Variants in SLC27A2 observed in about 807,000 individuals in gnomAD.
SLC27A2 encodes the protein solute carrier family 27 member 2.
Under a neutral mutation model 60.0 loss-of-function variants are expected in SLC27A2, and 54 were observed. The ratio of observed to expected loss-of-function variants is 0.90; its 90% CI spans 0.72 to 1.13. SLC27A2 has a LOEUF of 1.13. SLC27A2 is among the 50% of genes most tolerant of loss of function. The pLI is 0.00. For missense variants in SLC27A2, 739 were observed against 777.6 expected, an observed-to-expected ratio of 0.95 and a Z score of 0.59; for synonymous variants, 297 against 297.6, an observed-to-expected ratio of 1.00 and a Z score of 0.02.
chr15:50,204,505 GTA>G (rs2045093080), intron 3 of SLC27A2, among the ~76,000 whole-genome samples: 1 of 151,634 alleles, frequency 6.6e-6, no homozygotes, highest in Non-Finnish European at 1.5e-5. Context: ...AGGCCAAGGG[GTA>G]CAGATCACGA....
intron 1 of SLC27A2, among the ~76,000 whole-genome samples, chr15:50,192,258 G>C (rs1449118486): frequency 6.6e-6 from 1 of 152,134 alleles, no homozygotes; most frequent in African/African-American, 2.4e-5. Flanking sequence ...TGGTTGGCAA[G>C]CCGCTGGAAA....
intron 1 of SLC27A2, among the ~76,000 whole-genome samples, chr15:50,183,588 T>C (rs1595677593): frequency 6.6e-6 from 1 of 152,142 alleles, no homozygotes; most frequent in South Asian, 2.1e-4. Flanking sequence ...TGTGGTTAGC[T>C]CCTGCCACAT....
At chr15:50,230,344 A>G (rs2045309091) in intron 8 of SLC27A2, among the ~76,000 whole-genome samples, 1 of 152,012 alleles carries the variant, frequency 6.6e-6, no homozygotes, top group African/African-American at 2.4e-5. Flanking sequence ...GGAGCTTGAG[A>G]CCAGCCTGGC....
chr15:50,209,114 A>G (rs190702168), intron 4 of SLC27A2, among the ~76,000 whole-genome samples: 1 of 152,318 alleles, frequency 6.6e-6, no homozygotes, highest in African/African-American at 2.4e-5. Context: ...GGGGCCACAC[A>G]TAGAACCATG....
intron 4 of SLC27A2, among the ~76,000 whole-genome samples, chr15:50,213,846 G>A (rs763600237): frequency 9.2e-5 from 14 of 151,930 alleles, no homozygotes; most frequent in Non-Finnish European, 1.3e-4. Flanking sequence ...CTAAACGCCT[G>A]TAACAAAAAC....
chr15:50,183,989 T>C (rs1327346272), intron 1 of SLC27A2, among the ~76,000 whole-genome samples: 1 of 116,310 alleles, frequency 8.6e-6, no homozygotes, highest in Non-Finnish European at 1.8e-5. Context: ...TGCTCTTTCC[T>C]ACATCTTTTT....
In SLC27A2 at chr15:50,233,215, C is replaced by T. The variant is rs188037086; in HGVS notation, c.1556-653C>T. Reference sequence around the variant, plus strand: ...CCTGTCCCACATCCTCTCCAAAATGCAGACAAGAAAAGCCATTAGAACCTT... The same window carrying T: ...CCTGTCCCACATCCTCTCCAAAATGTAGACAAGAAAAGCCATTAGAACCTT... On this transcript the variant is annotated intron_variant, in intron 8 of 9. Transcript: ENST00000267842. Among the ~76,000 whole-genome samples the T allele has an allele frequency of 2.3e-3, 352 of 152,288 alleles. 2 individuals are homozygous for T. The highest frequency in any genetic ancestry group is 4.0e-3 in the Non-Finnish European group (275 of 68,020).
chr15:50,193,421 C>G (rs888240804), intron 1 of SLC27A2, among the ~76,000 whole-genome samples: 1 of 152,188 alleles, frequency 6.6e-6, no homozygotes, highest in African/African-American at 2.4e-5. Context: ...AGGGAACACT[C>G]TTTAAATAGA....
intron 1 of SLC27A2, among the ~76,000 whole-genome samples, chr15:50,190,051 T>G (rs1786589702): frequency 6.6e-6 from 1 of 152,228 alleles, no homozygotes; most frequent in Admixed American, 6.5e-5. Context: ...AACATTTTTA[T>G]GACCTCCGGG....
chr15:50,201,713 G>A (rs1424835653), intron 2 of SLC27A2, among the ~76,000 whole-genome samples: 2 of 151,870 alleles, frequency 1.3e-5, no homozygotes, highest in Admixed American at 6.6e-5. Flanking sequence ...CCACCACCAC[G>A]CCCGGCTAAT....
intron 2 of SLC27A2, among the ~76,000 whole-genome samples, chr15:50,201,917 G>T (rs2045067580): frequency 6.6e-6 from 1 of 152,284 alleles, no homozygotes; most frequent in Non-Finnish European, 1.5e-5. Context: ...TATTTGCTTT[G>T]TTTGTATAAA....
At chr15:50,221,161 C>T (rs2045239295) in intron 4 of SLC27A2, among the ~76,000 whole-genome samples, 1 of 151,778 alleles carries the variant, frequency 6.6e-6, no homozygotes, top group Non-Finnish European at 1.5e-5. Context: ...GCCATAATTG[C>T]ACCAGCCTAG....
rs1048099709 is a variant in SLC27A2, at chr15:50,236,218, G to A, written c.*122G>A. 41 of 714,306 alleles carry A rather than the reference G, an allele frequency of 5.7e-5. No homozygotes were observed. The East Asian group carries it at 6.7e-4, about 12-fold the overall frequency. The allele number at this position is 714,306 out of a possible 1,614,324, so 44.2% of individuals were successfully genotyped here. A position where few individuals can be genotyped will look rare whatever the true frequency, so the allele number is the denominator to read the frequency against. On this transcript the variant is annotated 3_prime_UTR_variant, in exon 10 of 10. Transcript: ENST00000267842. ...AATTTTGTAGGAAATTTGCATACCC[G>A]TAAAGGGAGACTTTTTTAAATAACA... is the stretch of plus-strand genomic sequence containing the variant.
intron 1 of SLC27A2, 74 bp from the exon 2 acceptor site, chr15:50,197,426 A>G: frequency 1.8e-6 from 2 of 1,121,932 alleles, no homozygotes; most frequent in South Asian, 2.9e-5. Flanking sequence ...TAAAATTATG[A>G]TGCTTGTTGA....
intron 3 of SLC27A2, 112 bp from the exon 4 acceptor site, chr15:50,205,127 G>A (rs2045101061): frequency 2.3e-6 from 3 of 1,327,010 alleles, no homozygotes; most frequent in Non-Finnish European, 2.1e-6. Flanking sequence ...ATACTTGTTT[G>A]CAAATATAAT....
At position 50,182,420 on chromosome 15, in the gene SLC27A2, C is replaced by A; in HGVS notation, c.-8C>A. ...GCCCTCGCTGGGACAGAGGGCCCCG[C>A]AGCCGTCATGCTTTCCGCCATCTAC... On this transcript the variant is annotated 5_prime_UTR_variant, in exon 1 of 10. Coordinates refer to ENST00000267842, the MANE Select transcript of SLC27A2 (RefSeq NM_003645.4). The A allele has an allele frequency of 6.3e-7, 1 of 1,583,302 alleles. No homozygotes were observed. The highest frequency in any genetic ancestry group is 8.6e-7 in the Non-Finnish European group (1 of 1,161,918).
intron 8 of SLC27A2, among the ~76,000 whole-genome samples, chr15:50,230,876 C>T (rs532744150): frequency 1.3e-5 from 2 of 152,244 alleles, no homozygotes; most frequent in Admixed American, 6.5e-5. Flanking sequence ...AAGGATCTAG[C>T]CTAGTGTTCC....
At chr15:50,216,218 A>C (rs746956179) in intron 4 of SLC27A2, among the ~76,000 whole-genome samples, 2 of 152,190 alleles carry the variant, frequency 1.3e-5, no homozygotes, top group Non-Finnish European at 2.9e-5. Flanking sequence ...GCTCAACATC[A>C]CTAATGATCA....
At chr15:50,191,626 C>T (rs182288344) in intron 1 of SLC27A2, among the ~76,000 whole-genome samples, 3 of 152,296 alleles carry the variant, frequency 2.0e-5, no homozygotes, top group Admixed American at 2.0e-4. Flanking sequence ...CAAGAGCACT[C>T]CTGCATGCAC....
Sources: gnomAD v4.1 joint callset for allele counts (sites outside exome capture counted in the v4.1 genomes callset) on GRCh38, gnomAD v4.1.1 for gene constraint, MANE v1.5 for transcripts, NCBI Gene and HGNC (gene_info 2026-07-23, HGNC 2026-07-21) for gene names.